The following NDUFAF4 variants were observed in gnomAD, a reference collection of about 807,000 sequenced individuals.
NDUFAF4 encodes NADH:ubiquinone oxidoreductase complex assembly factor 4, also known as NADH dehydrogenase [ubiquinone] 1 alpha subcomplex assembly factor 4.
In NDUFAF4, 10 loss-of-function variants were observed where a neutral mutation model predicts 15.6. That is an observed-to-expected ratio of 0.64 (90% confidence interval 0.40 to 1.09). The LOEUF (loss-of-function observed/expected upper bound fraction) is 1.09, where lower values mean the gene tolerates loss of function less well. Among genes scored for constraint, NDUFAF4 ranks in the 50% least tolerant of loss-of-function variants. The probability of loss-of-function intolerance (pLI) is 0.01; values close to 1 mark genes in which losing one functional copy is unlikely to be tolerated. For missense variants in NDUFAF4, 203 were observed against 207.3 expected (o/e 0.98, Z 0.13); for synonymous variants, 77 against 73.3 (o/e 1.05, Z -0.26).
chr6:96,892,470 A>G (rs1474962301), intron 2 of NDUFAF4, among the ~76,000 whole-genome samples: 1 of 152,144 alleles, frequency 6.6e-6, no homozygotes, highest in Non-Finnish European at 1.5e-5. Context: ...GTTTTTTAAC[A>G]TGCCCACCAA....
chr6:96,897,733 G>C lies in NDUFAF4; in HGVS notation c.69C>G (p.Ser23Arg). 3 of 1,614,192 alleles carry C rather than the reference G, an allele frequency of 1.9e-6. No individual in the cohort carries two copies. Among genetic ancestry groups the C allele is most frequent in the Non-Finnish European group, 2.5e-6 (3 of 1,180,004 alleles). The change falls in exon 1 of 3, where the codon AGC becomes AGG. Residue 23 changes from serine to arginine, a missense_variant. Ser to Arg is a moderately radical substitution (Grantham distance 110). Coordinates refer to ENST00000316149, the MANE Select transcript of NDUFAF4 (RefSeq NM_014165.4). ...TGGGAGCGACAGAGGGCTTCATCTT[G>C]CTGATTTCCCGTTCCGCTCGGTTCT... ...NLENRAEREI[S>R]KMKPSVAPRH...
At chr6:96,893,387 A>C (rs1775337268) in intron 2 of NDUFAF4, among the ~76,000 whole-genome samples, 1 of 152,146 alleles carries the variant, frequency 6.6e-6, no homozygotes, top group Non-Finnish European at 1.5e-5. Flanking sequence ...TAGCAAGAAA[A>C]ATAAGGGCCT....
At chr6:96,892,264 A>C (rs915643102) in intron 2 of NDUFAF4, among the ~76,000 whole-genome samples, 1 of 152,136 alleles carries the variant, frequency 6.6e-6, no homozygotes, top group African/African-American at 2.4e-5. Context: ...AATACACTCC[A>C]GTATAAATAA....
At chr6:96,891,488 T>G in intron 2 of NDUFAF4, 97 bp from the exon 3 acceptor site, 1 of 1,272,620 alleles carries the variant, frequency 7.9e-7, no homozygotes. Flanking sequence ...AAATAACAAC[T>G]AATATGGTTT....
chr6:96,894,215 G>A (rs146881109), intron 2 of NDUFAF4, among the ~76,000 whole-genome samples: 1 of 152,144 alleles, frequency 6.6e-6, no homozygotes, highest in African/African-American at 2.4e-5. Flanking sequence ...ATTCCATCCT[G>A]TCTAGGATGT....
Position 96,896,804 on chromosome 6 carries a change from C to A in NDUFAF4, c.180G>T (p.Lys60Asn). ...ACACATCTTTTAGAAACGACAGCAG[C>A]TTTTCATCTTTACGAGCAATCTCTC... ...VKGEIARKDEKLLSFLKDVYV... is the reference protein window; with the variant it reads ...VKGEIARKDENLLSFLKDVYV... Residue 60 changes from lysine (K) to asparagine (N), a missense_variant, in exon 2 of 3, where the codon AAG becomes AAT. By Grantham distance (94) the Lys-to-Asn change is moderately conservative. Transcript: ENST00000316149. 6.2e-7 allele frequency: 1 copy of A among 1,613,910 alleles called. No homozygotes were observed. Among genetic ancestry groups the A allele is most frequent in the Non-Finnish European group, 8.5e-7 (1 of 1,179,976 alleles).
At chr6:96,894,383 T>C (rs1029442570) in intron 2 of NDUFAF4, among the ~76,000 whole-genome samples, 5 of 152,190 alleles carry the variant, frequency 3.3e-5, no homozygotes, top group African/African-American at 9.7e-5. Context: ...AGGGTAGTGA[T>C]GCTGGCAACT....
Position 96,897,844 on chromosome 6 carries a change from A to C in NDUFAF4, c.-43T>G. The C allele has an allele frequency of 6.2e-7, 1 of 1,613,130 alleles. No homozygotes were observed. Among genetic ancestry groups the C allele is most frequent in the Non-Finnish European group, 8.5e-7 (1 of 1,179,532 alleles). On this transcript the variant is annotated 5_prime_UTR_variant, in exon 1 of 3. Coordinates refer to ENST00000316149, the MANE Select transcript of NDUFAF4 (RefSeq NM_014165.4). ...CGCTCAGGTTCAGGCCGCACGTGGGAACACCGGCGCAGGACAACTCCGGGA... is the reference window on the plus strand; with the variant it reads ...CGCTCAGGTTCAGGCCGCACGTGGGCACACCGGCGCAGGACAACTCCGGGA...
chr6:96,889,766 C>T lies in NDUFAF4; in HGVS notation c.*1338G>A, dbSNP rs1463740182. 6.6e-6 allele frequency: 1 copy of T among 152,308 alleles called. No individual in the cohort carries two copies. The highest frequency in any genetic ancestry group is 2.4e-5 in the African/African-American group (1 of 41,432). 9.4% of individuals were successfully genotyped at this position (152,308 alleles called of 1,614,324 possible). ...CGGAAGCACTAATAACCCTAATATA[C>T]CCACAATTCACACCTTTTCCCTTCT... On this transcript the variant is annotated 3_prime_UTR_variant, in exon 3 of 3. Transcript: ENST00000316149.
rs1042039565 is a variant in NDUFAF4 at position 96,890,435 on chromosome 6, CCTAT to C, written c.*665_*668del. The stretch of plus-strand genomic sequence containing the variant: ...AAAGCAGAAATTCCCATGGGACTTA[CCTAT>C]CTGTCAAAGCAGAAATTCCCAACAT... On this transcript the variant is annotated 3_prime_UTR_variant, in exon 3 of 3. Transcript: ENST00000316149. 8.5e-5 allele frequency: 13 copies of C among 152,250 alleles called. No individual in the cohort carries two copies. Among genetic ancestry groups the C allele is most frequent in the South Asian group, 2.1e-4 (1 of 4,824 alleles). The allele number at this position is 152,250 out of a possible 1,614,324, so 9.4% of individuals were successfully genotyped here. A position where few individuals can be genotyped will look rare whatever the true frequency, so the allele number is the denominator to read the frequency against.
Position 96,891,296 on chromosome 6 carries a change from G to A in NDUFAF4, c.336C>T (p.Gly112=). ...TCAATGCTTCTACAATGGAAATTTT[G>A]CCTTTGGGAATGCTCTTAATATTTA... is the stretch of plus-strand genomic sequence containing the variant. ...DMINIKSIPK[G]KISIVEALTL... The change falls in exon 3 of 3, where the codon GGC becomes GGT. Residue 112 remains glycine (G), a synonymous_variant. Transcript: ENST00000316149. The A allele has an allele frequency of 6.2e-7, 1 of 1,613,604 alleles. No individual in the cohort carries two copies. The highest frequency in any genetic ancestry group is 1.1e-5 in the South Asian group (1 of 91,066).
chr6:96,894,877 C>G (rs1016979358), intron 2 of NDUFAF4, among the ~76,000 whole-genome samples: 1 of 152,100 alleles, frequency 6.6e-6, no homozygotes, highest in African/African-American at 2.4e-5. Context: ...TCAAATTCAT[C>G]TGGAAAAATA....
chr6:96,897,714 C>G lies in NDUFAF4; in HGVS notation c.88G>C (p.Ala30Pro), dbSNP rs780583714. 6.2e-7 allele frequency: 1 copy of G among 1,614,164 alleles called. No homozygotes were observed. Among genetic ancestry groups the G allele is most frequent in the Non-Finnish European group, 8.5e-7 (1 of 1,180,002 alleles). Residue 30 changes from alanine to proline, a missense_variant, in exon 1 of 3, where the codon GCT (alanine) becomes CCT (proline). Coordinates refer to ENST00000316149, the MANE Select transcript of NDUFAF4 (RefSeq NM_014165.4). ...REISKMKPSV[A>P]PRHPSTNSLL... ...CTGTTGGTAGAGGGGTGTCTGGGAG[C>G]GACAGAGGGCTTCATCTTGCTGATT...
intron 1 of NDUFAF4, 86 bp from the exon 2 acceptor site, chr6:96,896,933 A>G (rs975707217): frequency 1.9e-6 from 2 of 1,035,698 alleles, no homozygotes; most frequent in Non-Finnish European, 3.0e-6. Flanking sequence ...GCTTTCTTTT[A>G]TTTTCTTTTT....
Position 96,897,778 on chromosome 6 carries a change from A to G in NDUFAF4, c.24T>C (p.Gly8=), listed in dbSNP as rs1775408587. Residue 8 remains glycine, a synonymous_variant, in exon 1 of 3, where the codon GGT becomes GGC. Transcript: ENST00000316149. ...GGTTCTCTAGGTTGAAATTCCTGAT[A>G]CCGCGAATCACTAGTGCTCCCATCT... The part of the protein sequence containing the change: MGALVIR[G]IRNFNLENRA... The G allele has an allele frequency of 2.5e-6, 4 of 1,613,978 alleles. No individual in the cohort carries two copies. Among genetic ancestry groups the G allele is most frequent in the Non-Finnish European group, 3.4e-6 (4 of 1,179,988 alleles).
rs148667964 is a variant in NDUFAF4, at chr6:96,896,787, T to C, written c.197A>G (p.Lys66Arg). The C allele has an allele frequency of 1.1e-4, 171 of 1,613,762 alleles. No homozygotes were observed. In the African/African-American group the frequency reaches 2.1e-3, roughly 20 times the overall value. ...ATCTTTGGAATCAACATACACATCT[T>C]TTAGAAACGACAGCAGCTTTTCATC... ...RKDEKLLSFLKDVYVDSKDPV... is the reference protein window; with the variant it reads ...RKDEKLLSFLRDVYVDSKDPV... Residue 66 changes from lysine to arginine, a missense_variant, in exon 2 of 3, where the codon AAA (lysine) becomes AGA (arginine). Lys to Arg is a conservative substitution (Grantham distance 26). Coordinates refer to ENST00000316149, the MANE Select transcript of NDUFAF4 (RefSeq NM_014165.4).
chr6:96,889,563 AGTTT>A lies in NDUFAF4; in HGVS notation c.*1537_*1540del, dbSNP rs1775286901. 2 of 152,552 alleles carry A rather than the reference AGTTT, an allele frequency of 1.3e-5. No homozygotes were observed. Among genetic ancestry groups the A allele is most frequent in the Admixed American group, 1.3e-4 (2 of 15,274 alleles). The allele number at this position is 152,552 out of a possible 1,614,324, so 9.4% of individuals were successfully genotyped here. A position where few individuals can be genotyped will look rare whatever the true frequency, so the allele number is the denominator to read the frequency against. ...GTATTGAACTAAAAATAAACTAGGT[AGTTT>A]GTTCACATAACAAATCTACATTCAA... On this transcript the variant is annotated 3_prime_UTR_variant, in exon 3 of 3. Transcript: ENST00000316149.
rs1318674563 is a variant in NDUFAF4 at position 96,891,080 on chromosome 6, C to T, written c.*24G>A. 3.1e-6 allele frequency: 5 copies of T among 1,604,050 alleles called. No individual in the cohort carries two copies. The highest frequency in any genetic ancestry group is 4.3e-6 in the Non-Finnish European group (5 of 1,173,416). ...TACAGCAGGAGGGATGAGGAGTACACATAGGAAATTTCTGTGATTTTCTTC... is the reference window on the plus strand; with the variant it reads ...TACAGCAGGAGGGATGAGGAGTACATATAGGAAATTTCTGTGATTTTCTTC... On this transcript the variant is annotated 3_prime_UTR_variant, in exon 3 of 3. Coordinates refer to ENST00000316149, the MANE Select transcript of NDUFAF4 (RefSeq NM_014165.4).
chr6:96,891,508 TC>T, intron 2 of NDUFAF4, 117 bp from the exon 3 acceptor site: 2 of 1,104,082 alleles, frequency 1.8e-6, no homozygotes, highest in African/African-American at 1.6e-5. Flanking sequence ...TGGATCTGTG[TC>T]CCCACCCAAA....
Sources: allele counts gnomAD v4.1 joint callset (sites outside exome capture counted in the v4.1 genomes callset), GRCh38; gene constraint gnomAD v4.1.1; transcripts MANE v1.5; gene names NCBI Gene and HGNC (gene_info 2026-07-23, HGNC 2026-07-21).